GRIK4: variants seen among roughly 807,000 people sequenced by gnomAD.
GRIK4 encodes the protein glutamate ionotropic receptor kainate type subunit 4.
In GRIK4, 40 loss-of-function variants were observed where a neutral mutation model predicts 104.9. That is an observed-to-expected ratio of 0.38 (90% CI 0.30 to 0.50). GRIK4 has a LOEUF of 0.50. Among genes scored for constraint, GRIK4 ranks in the 20% least tolerant of loss-of-function variants. GRIK4 has a pLI of 0.93. For missense variants in GRIK4, 1,047 were observed against 1,308.1 expected (o/e 0.80, Z 3.08); for synonymous variants, 485 against 524.9 (o/e 0.92, Z 1.04).
At chr11:120,631,834 G>T (rs769868287) in intron 1 of GRIK4, among the ~76,000 whole-genome samples, 1 of 152,152 alleles carries the variant, frequency 6.6e-6, no homozygotes. Context: ...CCACCGCTGG[G>T]CTTGTAGGAG....
chr11:120,596,989 TG>T (rs1205123502), intron 1 of GRIK4, among the ~76,000 whole-genome samples: 2 of 152,186 alleles, frequency 1.3e-5, no homozygotes, highest in African/African-American at 4.8e-5. Flanking sequence ...CCTCCCAAAG[TG>T]CTGAGATTAC....
At chr11:120,972,758 G>C (rs1213358294) in intron 19 of GRIK4, among the ~76,000 whole-genome samples, 3 of 152,146 alleles carry the variant, frequency 2.0e-5, no homozygotes, top group Non-Finnish European at 4.4e-5. Flanking sequence ...ATGTGGAGCA[G>C]AGAAGAATTT....
Position 120,956,617 on chromosome 11 carries a change from A to G in GRIK4, c.1701-163A>G, listed in dbSNP as rs575529320. On this transcript the variant is annotated intron_variant, in intron 15 of 20. Transcript: ENST00000527524. This position sits in a 1 kb window ranked among gnomAD's most constrained non-coding sequence, Gnocchi z 4.6. ...CAACCCAGTTCAACCCACTTATTTT[A>G]TTTTATTTTTTTTTTGGTTGCGAAA... Among the ~76,000 whole-genome samples the G allele has an allele frequency of 6.6e-6, 1 of 151,838 alleles. No homozygotes were observed. Among genetic ancestry groups the G allele is most frequent in the South Asian group, 2.1e-4 (1 of 4,792 alleles).
chr11:120,859,267 A>G (rs1026929283), intron 8 of GRIK4: 4 of 152,200 alleles, frequency 2.6e-5, no homozygotes, highest in African/African-American at 9.7e-5. Context: ...TAAGCTTTAC[A>G]TGCATCTTAC....
intron 1 of GRIK4, among the ~76,000 whole-genome samples, chr11:120,559,040 G>A (rs1948214086): frequency 6.6e-6 from 1 of 152,208 alleles, no homozygotes; most frequent in Non-Finnish European, 1.5e-5. Context: ...TTAGGACCAG[G>A]CCAAGGGAGA....
chr11:120,784,565 C>G (rs1462879637), intron 3 of GRIK4, among the ~76,000 whole-genome samples: 1 of 152,136 alleles, frequency 6.6e-6, no homozygotes, highest in Non-Finnish European at 1.5e-5. Context: ...TTATTCACAG[C>G]TTTGGCTAAA....
chr11:120,843,401 G>T (rs1238797235), intron 8 of GRIK4, among the ~76,000 whole-genome samples: 1 of 152,252 alleles, frequency 6.6e-6, no homozygotes, highest in Non-Finnish European at 1.5e-5. Context: ...AAGACAGGGA[G>T]AAGGAGTACA....
chr11:120,751,867 G>A (rs1412344568), intron 3 of GRIK4, among the ~76,000 whole-genome samples: 3 of 152,280 alleles, frequency 2.0e-5, no homozygotes, highest in East Asian at 1.9e-4. Flanking sequence ...CCCGGTGAAG[G>A]TTCCTGGATC....
At position 120,956,729 on chromosome 11, in the gene GRIK4, C is replaced by T; in HGVS notation, c.1701-51C>T. ...CCAGCCAGGAGAGCCTGCCTGTGTC[C>T]CTTCACACCCCGCCTCTGTGGCACT... On this transcript the variant is annotated intron_variant, in intron 15 of 20. Coordinates refer to ENST00000527524, the MANE Select transcript of GRIK4 (RefSeq NM_014619.5). The surrounding 1 kb of genome is among the most constrained non-coding windows in gnomAD (Gnocchi z 4.6). 2 of 1,377,304 alleles carry T rather than the reference C, an allele frequency of 1.5e-6. No homozygotes were observed. Among genetic ancestry groups the T allele is most frequent in the South Asian group, 1.8e-5 (1 of 55,132 alleles). The allele number at this position is 1,377,304 out of a possible 1,614,324, so 85.3% of individuals were successfully genotyped here.
intron 3 of GRIK4, among the ~76,000 whole-genome samples, chr11:120,682,354 G>A (rs531573065): frequency 5.9e-5 from 9 of 152,368 alleles, no homozygotes; most frequent in African/African-American, 1.7e-4. Flanking sequence ...TGAGCAGGGA[G>A]TGGGTCTGGG....
At chr11:120,588,225 C>A (rs1948692838) in intron 1 of GRIK4, among the ~76,000 whole-genome samples, 2 of 152,134 alleles carry the variant, frequency 1.3e-5, no homozygotes, top group Admixed American at 1.3e-4. Flanking sequence ...AGCTTCTGGC[C>A]CTCTGGTTTC....
chr11:120,563,395 G>A (rs530385674), intron 1 of GRIK4, among the ~76,000 whole-genome samples: 2 of 152,108 alleles, frequency 1.3e-5, no homozygotes, highest in South Asian at 2.1e-4. Context: ...TGTGCCCAGT[G>A]ACAAGCTTGT....
chr11:120,911,202 G>C (rs1240286584), intron 13 of GRIK4, among the ~76,000 whole-genome samples: 3 of 151,812 alleles, frequency 2.0e-5, no homozygotes, highest in Non-Finnish European at 4.4e-5. Context: ...ACCAAAAGTA[G>C]CTTGGGAGTT....
chr11:120,651,287 T>C (rs966470153), intron 1 of GRIK4, among the ~76,000 whole-genome samples: 6 of 152,168 alleles, frequency 3.9e-5, no homozygotes. Flanking sequence ...TCCAGGGAGC[T>C]ATTGTCTGCA....
intron 3 of GRIK4, among the ~76,000 whole-genome samples, chr11:120,687,887 C>T (rs764092843): frequency 6.6e-6 from 1 of 152,218 alleles, no homozygotes; most frequent in Non-Finnish European, 1.5e-5. Context: ...CCAGAAAACA[C>T]TCTCTGCTTT....
chr11:120,548,061 T>C (rs545316573), intron 1 of GRIK4, among the ~76,000 whole-genome samples: 1 of 152,294 alleles, frequency 6.6e-6, no homozygotes, highest in African/African-American at 2.4e-5. Context: ...GCAGCCTGCC[T>C]GAAGCCTGTG....
chr11:120,547,255 C>T (rs1410149547), intron 1 of GRIK4, among the ~76,000 whole-genome samples: 4 of 152,220 alleles, frequency 2.6e-5, no homozygotes, highest in African/African-American at 9.6e-5. Context: ...ACCCTGGGCA[C>T]TCCTCTATCG....
At chr11:120,701,789 C>A (rs1273033695) in intron 3 of GRIK4, among the ~76,000 whole-genome samples, 1 of 152,006 alleles carries the variant, frequency 6.6e-6, no homozygotes, top group Non-Finnish European at 1.5e-5. Context: ...TTGCAGTAAT[C>A]CAGGTGAGAG....
intron 3 of GRIK4, among the ~76,000 whole-genome samples, chr11:120,793,500 T>C (rs1952443000): frequency 6.6e-6 from 1 of 152,006 alleles, no homozygotes; most frequent in South Asian, 2.1e-4. Context: ...CCTGAGCTTG[T>C]TGGGAAGGTA....
Sources: allele counts gnomAD v4.1 joint callset (sites outside exome capture counted in the v4.1 genomes callset), GRCh38; gene constraint gnomAD v4.1.1; non-coding constraint Gnocchi (gnomAD v3.1); transcripts MANE v1.5; gene names NCBI Gene and HGNC (gene_info 2026-07-23, HGNC 2026-07-21).